The following MYO3B variants were observed in gnomAD, a reference collection of about 807,000 sequenced individuals.
MYO3B encodes myosin IIIB.
Under a neutral mutation model 174.6 loss-of-function variants are expected in MYO3B, and 156 were observed. That is an observed-to-expected ratio of 0.89 (90% CI 0.78 to 1.02). The LOEUF (loss-of-function observed/expected upper bound fraction) is 1.02, where lower values mean the gene tolerates loss of function less well. Among genes scored for constraint, MYO3B ranks in the 50% least tolerant of loss-of-function variants. The pLI is 0.00. For synonymous variants in MYO3B, 563 were observed against 569.1 expected (o/e 0.99, Z 0.15); for missense variants, 1,632 against 1,639.4 (o/e 1.00, Z 0.08).
At chr2:170,622,972 T>C (rs1464817511) in intron 32 of MYO3B, among the ~76,000 whole-genome samples, 1 of 152,196 alleles carries the variant, frequency 6.6e-6, no homozygotes, top group African/African-American at 2.4e-5. Flanking sequence ...CAGTCTATCA[T>C]TGTTGGACAT....
At chr2:170,612,186 C>T (rs192650659) in intron 32 of MYO3B, among the ~76,000 whole-genome samples, 11 of 152,312 alleles carry the variant, frequency 7.2e-5, no homozygotes, top group Non-Finnish European at 1.2e-4. Flanking sequence ...CTCTTTGGTC[C>T]AGCTCCCATG....
At chr2:170,628,201 C>T (rs553548507) in intron 32 of MYO3B, among the ~76,000 whole-genome samples, 5 of 152,336 alleles carry the variant, frequency 3.3e-5, no homozygotes, top group Admixed American at 6.5e-5. Context: ...CCACCCAGTT[C>T]GAGCTTCCTG....
At chr2:170,279,421 T>C (rs1043017364) in intron 7 of MYO3B, among the ~76,000 whole-genome samples, 2 of 151,968 alleles carry the variant, frequency 1.3e-5, no homozygotes, top group Non-Finnish European at 2.9e-5. Context: ...CCCCTTGGTA[T>C]GTCTTTTTTT....
At chr2:170,181,107 A>G (rs1049836307) in intron 1 of MYO3B, among the ~76,000 whole-genome samples, 1 of 152,150 alleles carries the variant, frequency 6.6e-6, no homozygotes, top group Non-Finnish European at 1.5e-5. Flanking sequence ...ATCTACTTCA[A>G]GTTTAATAGA....
At chr2:170,455,009 G>GCTAGCA (rs1428321027) in intron 23 of MYO3B, among the ~76,000 whole-genome samples, 2 of 152,152 alleles carry the variant, frequency 1.3e-5, no homozygotes, top group African/African-American at 2.4e-5. Flanking sequence ...GGTGGTGCTA[G>GCTAGCA]CTGTTCCATC....
At chr2:170,358,841 G>T (rs1362557093) in intron 8 of MYO3B, among the ~76,000 whole-genome samples, 1 of 152,118 alleles carries the variant, frequency 6.6e-6, no homozygotes, top group Non-Finnish European at 1.5e-5. Flanking sequence ...TGAGCTACTA[G>T]GCAAAGGCAG....
At position 170,636,367 on chromosome 2, in the gene MYO3B, A is replaced by G. The variant is rs116721386; in HGVS notation, c.3734-15261A>G. On this transcript the variant is annotated intron_variant, in intron 32 of 34. Transcript: ENST00000408978. ...TGGAAATAACATAACTGTTTGTGTT[A>G]TGTTATTGAAAAGAAAAGATCTCCA... is the stretch of plus-strand genomic sequence containing the variant. 5.2e-3 allele frequency among the ~76,000 whole-genome samples: 783 copies of G among 151,554 alleles called. 9 individuals carry two copies. The highest frequency in any genetic ancestry group is 0.018 in the African/African-American group (740 of 41,308).
intron 8 of MYO3B, chr2:170,350,343 A>T (rs964297712): frequency 6.6e-6 from 1 of 152,088 alleles, no homozygotes; most frequent in African/African-American, 2.4e-5. Context: ...TTCTTTTTTG[A>T]TTGCCTTAAA....
chr2:170,485,566 A>G (rs1685997618), intron 25 of MYO3B, among the ~76,000 whole-genome samples: 1 of 152,026 alleles, frequency 6.6e-6, no homozygotes, highest in South Asian at 2.1e-4. Context: ...CCATAGCTCT[A>G]ACAAAATTCC....
At chr2:170,312,348 C>T (rs1483081583) in intron 7 of MYO3B, among the ~76,000 whole-genome samples, 1 of 152,232 alleles carries the variant, frequency 6.6e-6, no homozygotes, top group African/African-American at 2.4e-5. Context: ...CTTAATGGTC[C>T]ATTTACTTAT....
In MYO3B at chr2:170,620,164, A is replaced by AC. The variant is rs753978411; in HGVS notation, c.3734-31463dup. ...TCTTTGGAGGGTTTCAAACAAACAA[A>AC]CAACATGATTTCTTTGCTTTTTCCA... On this transcript the variant is annotated intron_variant, in intron 32 of 34. Transcript: ENST00000408978. 2.1e-3 allele frequency among the ~76,000 whole-genome samples: 319 copies of AC among 152,216 alleles called. 1 individual carries two copies. The highest frequency in any genetic ancestry group is 2.4e-3 in the Non-Finnish European group (163 of 67,996).
chr2:170,250,586 C>T (rs188562716), intron 7 of MYO3B, among the ~76,000 whole-genome samples: 5 of 152,338 alleles, frequency 3.3e-5, no homozygotes, highest in African/African-American at 1.2e-4. Context: ...GTTTGCCATC[C>T]ATGGATGGCT....
intron 32 of MYO3B, chr2:170,640,991 G>A (rs918474685): frequency 6.6e-6 from 1 of 152,092 alleles, no homozygotes; most frequent in African/African-American, 2.4e-5. Context: ...ACAAAAGTTT[G>A]AGAAATATTC....
At chr2:170,381,638 G>A (rs1365330549) in intron 9 of MYO3B, among the ~76,000 whole-genome samples, 2 of 152,144 alleles carry the variant, frequency 1.3e-5, no homozygotes, top group Non-Finnish European at 2.9e-5. Flanking sequence ...TAAAGCAAGG[G>A]GACCTCAAGG....
In MYO3B at chr2:170,244,208, T is replaced by G. The variant is rs113016785; in HGVS notation, c.749+8072T>G. On this transcript the variant is annotated intron_variant, in intron 7 of 34. Transcript: ENST00000408978. ...TTCTATAGGGTCCTTTTAGCCCCCT[T>G]AGTAGGTTCAACCTTCTCCAGGGTT... 7.9e-3 allele frequency among the ~76,000 whole-genome samples: 1,203 copies of G among 152,274 alleles called. 19 individuals are homozygous for G. Among genetic ancestry groups the G allele is most frequent in the African/African-American group, 0.028 (1,150 of 41,552 alleles).
intron 32 of MYO3B, among the ~76,000 whole-genome samples, chr2:170,550,231 T>C (rs1231985893): frequency 6.6e-6 from 1 of 152,192 alleles, no homozygotes; most frequent in African/African-American, 2.4e-5. Context: ...TGAGGACTTT[T>C]CTCAGTAAAA....
chr2:170,474,305 C>T (rs764547207), intron 25 of MYO3B, among the ~76,000 whole-genome samples: 2 of 152,088 alleles, frequency 1.3e-5, no homozygotes, highest in Non-Finnish European at 2.9e-5. Context: ...ATCACATGCC[C>T]ACCCTTGAGC....
At chr2:170,593,430 C>A (rs1407403152) in intron 32 of MYO3B, among the ~76,000 whole-genome samples, 1 of 152,146 alleles carries the variant, frequency 6.6e-6, no homozygotes, top group Non-Finnish European at 1.5e-5. Context: ...ATAAGAAAAC[C>A]AAGGTGCAGT....
intron 32 of MYO3B, among the ~76,000 whole-genome samples, chr2:170,568,325 G>A (rs1485552043): frequency 6.6e-6 from 1 of 152,220 alleles, no homozygotes; most frequent in Non-Finnish European, 1.5e-5. Flanking sequence ...TATGGAAGAA[G>A]GCCAGTGATG....
Sources: allele counts gnomAD v4.1 joint callset (sites outside exome capture counted in the v4.1 genomes callset), GRCh38; gene constraint gnomAD v4.1.1; transcripts MANE v1.5; gene names NCBI Gene and HGNC (gene_info 2026-07-23, HGNC 2026-07-21).